MAF: variants seen among roughly 807,000 people sequenced by gnomAD.
MAF encodes the protein MAF bZIP transcription factor, also known as transcription factor Maf.
In MAF, 10 loss-of-function variants were observed where a neutral mutation model predicts 22.0. The observed-to-expected ratio is 0.45, with a 90% CI of 0.28 to 0.77. MAF has a LOEUF of 0.77. Ranked by LOEUF, MAF falls within the 30% of genes least tolerant of loss-of-function variation. The pLI is 0.12. For synonymous variants in MAF, 337 were observed against 255.8 expected (o/e 1.32, Z -3.03); for missense variants, 544 against 548.4 (o/e 0.99, Z 0.08).
the MAF span, among the ~76,000 whole-genome samples, chr16:79,267,449 G>C: frequency 1.3e-5 from 2 of 152,210 alleles, no homozygotes; most frequent in Non-Finnish European, 2.9e-5. Context: ...GGGAAAGGAG[G>C]AGTGAATGGG....
the MAF span, among the ~76,000 whole-genome samples, chr16:79,402,956 T>C: frequency 2.0e-5 from 3 of 152,134 alleles, no homozygotes; most frequent in Non-Finnish European, 2.9e-5. Flanking sequence ...TTGGGAGTCC[T>C]TGCCCACCCA....
chr16:79,268,622 G>A, the MAF span, among the ~76,000 whole-genome samples: 1 of 152,132 alleles, frequency 6.6e-6, no homozygotes, highest in Non-Finnish European at 1.5e-5. Flanking sequence ...AGAAACAATG[G>A]CATTTCTCAG....
chr16:79,600,235 C>A lies in MAF; in HGVS notation c.-333G>T, dbSNP rs1046729817. On this transcript the variant is annotated 5_prime_UTR_variant, in exon 1 of 2. Transcript: ENST00000326043. The stretch of plus-strand genomic sequence containing the variant: ...GATCCTCCGCGAGCTGCGGTGGCGG[C>A]GGTGGTGGCTGCGGCGGCGAAGCTG... The A allele has an allele frequency of 1.5e-5, 4 of 269,846 alleles. No individual in the cohort carries two copies. In the Admixed American group the frequency reaches 2.3e-4, roughly 15 times the overall value. 16.7% of individuals were successfully genotyped at this position (269,846 alleles called of 1,614,324 possible).
At chr16:79,202,679 C>T in the MAF span, 9 of 152,168 alleles carry the variant, frequency 5.9e-5, no homozygotes, top group South Asian at 1.2e-3. Flanking sequence ...GAGTTTTTTC[C>T]CCTCTGTTAA....
chr16:79,537,219 C>T, the MAF span, among the ~76,000 whole-genome samples: 22 of 152,134 alleles, frequency 1.4e-4, no homozygotes, highest in Non-Finnish European at 2.8e-4. Flanking sequence ...GAGTCACACT[C>T]GAACATCCTG....
At chr16:79,440,665 C>T in the MAF span, among the ~76,000 whole-genome samples, 1 of 152,206 alleles carries the variant, frequency 6.6e-6, no homozygotes, top group Non-Finnish European at 1.5e-5. Context: ...CCCGCCTTGG[C>T]CTCCCAAAGT....
At chr16:79,204,161 C>A in the MAF span, 1 of 152,064 alleles carries the variant, frequency 6.6e-6, no homozygotes, top group Non-Finnish European at 1.5e-5. Flanking sequence ...ATGTTTCATC[C>A]CTATTCATAA....
chr16:79,413,851 C>G, the MAF span, among the ~76,000 whole-genome samples: 4 of 152,274 alleles, frequency 2.6e-5, no homozygotes, highest in East Asian at 7.7e-4. Context: ...GATAACACAT[C>G]GTTCATTCGA....
the MAF span, among the ~76,000 whole-genome samples, chr16:79,484,029 T>C: frequency 2.0e-5 from 3 of 152,094 alleles, no homozygotes; most frequent in African/African-American, 7.2e-5. Context: ...ATCAGGCTAG[T>C]GATAGCAACC....
intron 1 of MAF, chr16:79,598,523 C>A: frequency 7.2e-7 from 1 of 1,394,058 alleles, no homozygotes; most frequent in Non-Finnish European, 9.3e-7. Context: ...GAGCCAGACA[C>A]CCATTCCCTC....
the MAF span, among the ~76,000 whole-genome samples, chr16:79,245,602 GT>G: frequency 6.6e-6 from 1 of 152,098 alleles, no homozygotes; most frequent in East Asian, 1.9e-4. Context: ...CTTTTACACT[GT>G]TGGTGGGAGT....
the MAF span, among the ~76,000 whole-genome samples, chr16:79,497,944 G>C: frequency 6.6e-6 from 1 of 152,256 alleles, no homozygotes; most frequent in African/African-American, 2.4e-5. Flanking sequence ...AGCTCTCCCA[G>C]TTCTAGAGAC....
chr16:79,550,491 C>T, the MAF span, among the ~76,000 whole-genome samples: 13 of 152,174 alleles, frequency 8.5e-5, no homozygotes, highest in Non-Finnish European at 1.5e-4. Context: ...CGAAACCTCA[C>T]ATTGAAACAG....
the MAF span, among the ~76,000 whole-genome samples, chr16:79,412,595 C>A: frequency 6.6e-6 from 1 of 152,198 alleles, no homozygotes; most frequent in Non-Finnish European, 1.5e-5. Context: ...GCCACAGCAC[C>A]TCCCTCTCAA....
the MAF span, among the ~76,000 whole-genome samples, chr16:79,497,609 G>C: frequency 6.6e-6 from 1 of 152,198 alleles, no homozygotes; most frequent in Non-Finnish European, 1.5e-5. Flanking sequence ...GGTCTACAGT[G>C]ACCCCAAGAC....
At chr16:79,569,722 C>G in the MAF span, among the ~76,000 whole-genome samples, 1 of 152,140 alleles carries the variant, frequency 6.6e-6, no homozygotes, top group Non-Finnish European at 1.5e-5. Flanking sequence ...TGGGTACCAC[C>G]CCAGGATTAT....
At chr16:79,587,045 C>T (rs866321931) in intron 1 of MAF, among the ~76,000 whole-genome samples, 1 of 152,172 alleles carries the variant, frequency 6.6e-6, no homozygotes, top group Non-Finnish European at 1.5e-5. Context: ...AACATATAAT[C>T]TTTCTTTACT....
the MAF span, among the ~76,000 whole-genome samples, chr16:79,269,222 T>G: frequency 6.6e-6 from 1 of 152,166 alleles, no homozygotes; most frequent in Non-Finnish European, 1.5e-5. Context: ...GGATGTGATG[T>G]AGGGGCTGTT....
the MAF span, among the ~76,000 whole-genome samples, chr16:79,278,661 G>A: frequency 6.6e-6 from 1 of 151,982 alleles, no homozygotes; most frequent in Non-Finnish European, 1.5e-5. Context: ...CGGGTTTGGG[G>A]TTTCGTGGGT....
Sources: allele counts gnomAD v4.1 joint callset (sites outside exome capture counted in the v4.1 genomes callset), GRCh38; gene constraint gnomAD v4.1.1; transcripts MANE v1.5; gene names NCBI Gene and HGNC (gene_info 2026-07-23, HGNC 2026-07-21).